The following ST7 variants were observed in gnomAD, a reference collection of about 807,000 sequenced individuals.
ST7 encodes the protein suppressor of tumorigenicity 7 protein.
Under a neutral mutation model 78.7 loss-of-function variants are expected in ST7, and 28 were observed. The ratio of observed to expected loss-of-function variants is 0.36; its 90% CI spans 0.26 to 0.49. The LOEUF (loss-of-function observed/expected upper bound fraction) is 0.49, where lower values mean the gene tolerates loss of function less well. Ranked by LOEUF, ST7 falls within the 20% of genes least tolerant of loss-of-function variation. The probability of loss-of-function intolerance (pLI) is 0.99; values close to 1 mark genes in which losing one functional copy is unlikely to be tolerated. For missense variants in ST7, 418 were observed against 696.0 expected, an observed-to-expected ratio of 0.60 and a Z score of 4.49; for synonymous variants, 247 against 249.6, an observed-to-expected ratio of 0.99 and a Z score of 0.10.
intron 1 of ST7, among the ~76,000 whole-genome samples, chr7:117,095,433 C>A (rs766066080): frequency 1.3e-5 from 2 of 152,110 alleles, no homozygotes; most frequent in South Asian, 2.1e-4. Context: ...ATGTACCTAC[C>A]CTGCCTACTT....
chr7:116,967,798 TA>T (rs755359005), intron 1 of ST7, among the ~76,000 whole-genome samples: 2 of 152,240 alleles, frequency 1.3e-5, no homozygotes, highest in Non-Finnish European at 2.9e-5. Context: ...GCTCCTACTA[TA>T]ATATTGACTT....
Position 117,201,013 on chromosome 7 carries a change from A to G in ST7, c.1255-8774A>G, listed in dbSNP as rs552384732. Among the ~76,000 whole-genome samples, 45 of 152,226 alleles carry G rather than the reference A, an allele frequency of 3.0e-4. 1 individual carries two copies. In the South Asian group the frequency reaches 6.6e-3, roughly 22 times the overall value. ...AACACTAAAGCAGTCCTCCCTTTAT[A>G]TCTTGGTAAAGCTGATTGACAGAGT... is the stretch of plus-strand genomic sequence containing the variant. On this transcript the variant is annotated intron_variant, in intron 12 of 15. Coordinates refer to ENST00000323984, the MANE Select transcript of ST7 (RefSeq NM_001369598.1).
chr7:117,159,138 C>T (rs536618708), intron 9 of ST7, among the ~76,000 whole-genome samples: 2 of 152,262 alleles, frequency 1.3e-5, no homozygotes, highest in East Asian at 3.9e-4. Context: ...TTGTTTTCAT[C>T]CTGTAAGTCA....
intron 7 of ST7, 101 bp from the exon 8 acceptor site, chr7:117,135,980 C>A: frequency 2.3e-6 from 3 of 1,299,952 alleles, no homozygotes; most frequent in Non-Finnish European, 3.2e-6. Flanking sequence ...GGCCACTCTG[C>A]ATGTTTTGGC....
chr7:117,182,963 G>A (rs1808898773), intron 10 of ST7, among the ~76,000 whole-genome samples: 1 of 152,116 alleles, frequency 6.6e-6, no homozygotes, highest in Non-Finnish European at 1.5e-5. Context: ...GTTTTCTTAT[G>A]GAAGGTGTAA....
chr7:117,087,226 A>G (rs1800219660), intron 1 of ST7, among the ~76,000 whole-genome samples: 1 of 152,234 alleles, frequency 6.6e-6, no homozygotes. Flanking sequence ...TTTAGTTTTC[A>G]GTTAGTAGAG....
At chr7:117,050,654 G>C (rs1320731824) in intron 1 of ST7, among the ~76,000 whole-genome samples, 6 of 152,140 alleles carry the variant, frequency 3.9e-5, no homozygotes, top group Non-Finnish European at 8.8e-5. Flanking sequence ...TCTGAGGCCT[G>C]GTGCGGTGGC....
chr7:116,963,006 T>TA (rs1276355978), intron 1 of ST7, among the ~76,000 whole-genome samples: 39 of 152,362 alleles, frequency 2.6e-4, no homozygotes, highest in African/African-American at 8.9e-4. Flanking sequence ...TTGTAGGCTG[T>TA]AAAATACTAT....
intron 9 of ST7, among the ~76,000 whole-genome samples, chr7:117,160,618 A>G (rs57745328): frequency 0.11 from 17,247 of 151,798 alleles, 1,092 homozygotes; most frequent in Non-Finnish European, 0.15. Context: ...ATATGTATAT[A>G]TTACATATAC....
chr7:117,147,035 A>G (rs564789099), intron 9 of ST7, among the ~76,000 whole-genome samples: 1 of 152,318 alleles, frequency 6.6e-6, no homozygotes, highest in African/African-American at 2.4e-5. Flanking sequence ...CAGTCTTTGC[A>G]GAATACAGAA....
chr7:117,186,819 G>T lies in ST7; in HGVS notation c.1079-2502G>T, dbSNP rs540698489. Among the ~76,000 whole-genome samples the T allele has an allele frequency of 1.8e-4, 27 of 152,296 alleles. No individual in the cohort carries two copies. The East Asian group carries it at 5.0e-3, about 28-fold the overall frequency. On this transcript the variant is annotated intron_variant, in intron 10 of 15. Transcript: ENST00000323984. ...CTGTGAATGAACTTACAGCATGTTAGCCAGTCTATGATTGGACATTGGGCC... is the reference window on the plus strand; with the variant it reads ...CTGTGAATGAACTTACAGCATGTTATCCAGTCTATGATTGGACATTGGGCC...
chr7:117,110,301 G>A (rs1047430445), intron 2 of ST7, among the ~76,000 whole-genome samples: 1 of 152,182 alleles, frequency 6.6e-6, no homozygotes, highest in Non-Finnish European at 1.5e-5. Context: ...GATGCTGAAA[G>A]GTAGGCTTTT....
chr7:117,150,050 C>T (rs1401435975), intron 9 of ST7, among the ~76,000 whole-genome samples: 3 of 152,114 alleles, frequency 2.0e-5, no homozygotes, highest in African/African-American at 4.8e-5. Flanking sequence ...AGAGCTGTGT[C>T]GTTCATTATC....
chr7:117,158,934 ATAAACTT>A (rs1312368409), intron 9 of ST7, among the ~76,000 whole-genome samples: 1 of 152,220 alleles, frequency 6.6e-6, no homozygotes, highest in African/African-American at 2.4e-5. Flanking sequence ...GCCAAATTCT[ATAAACTT>A]TAATTAGCCC....
intron 12 of ST7, among the ~76,000 whole-genome samples, chr7:117,206,020 C>A (rs1791721974): frequency 6.6e-6 from 1 of 152,290 alleles, no homozygotes; most frequent in South Asian, 2.1e-4. Context: ...TTGTTCCATG[C>A]TTTTCTAATT....
chr7:117,201,080 A>G (rs1810802733), intron 12 of ST7, among the ~76,000 whole-genome samples: 1 of 152,204 alleles, frequency 6.6e-6, no homozygotes, highest in Non-Finnish European at 1.5e-5. Flanking sequence ...CAAAATGTGT[A>G]GTGGGTTTTA....
At chr7:117,026,011 A>T (rs894396159) in intron 1 of ST7, among the ~76,000 whole-genome samples, 3 of 152,192 alleles carry the variant, frequency 2.0e-5, no homozygotes, top group African/African-American at 7.2e-5. Context: ...AAAAAATTAC[A>T]TGTGAGTCTT....
chr7:117,112,925 GCAGGGGACC>G (rs1802549932), intron 2 of ST7, among the ~76,000 whole-genome samples: 2 of 152,210 alleles, frequency 1.3e-5, no homozygotes, highest in South Asian at 4.1e-4. Context: ...ATGATCTTCT[GCAGGGGACC>G]CCGTGTCAGG....
intron 1 of ST7, among the ~76,000 whole-genome samples, chr7:117,039,064 C>G (rs763846683): frequency 3.8e-4 from 58 of 151,990 alleles, no homozygotes; most frequent in Non-Finnish European, 4.3e-4. Flanking sequence ...TTTAGCTAAT[C>G]CTTTATGAGT....
Sources: allele counts gnomAD v4.1 joint callset (sites outside exome capture counted in the v4.1 genomes callset), GRCh38; gene constraint gnomAD v4.1.1; transcripts MANE v1.5; gene names NCBI Gene and HGNC (gene_info 2026-07-23, HGNC 2026-07-21).